The following IL18BP variants were observed in gnomAD, a reference collection of about 807,000 sequenced individuals.
The protein encoded by IL18BP is interleukin-18-binding protein.
A neutral mutation model predicts 19.9 loss-of-function variants in IL18BP; 23 were observed. That is an observed-to-expected ratio of 1.15 (90% CI 0.83 to 1.64). The LOEUF is 1.64. Ranked by LOEUF, IL18BP falls within the 40% of genes most tolerant of loss-of-function variation. The pLI, the probability that IL18BP is intolerant of heterozygous loss-of-function variation, is 0.00. For synonymous variants in IL18BP, 107 were observed against 101.0 expected, an observed-to-expected ratio of 1.06 and a Z score of -0.35; for missense variants, 239 against 240.7, an observed-to-expected ratio of 0.99 and a Z score of 0.05.
chr11:72,003,742 G>A, downstream of IL18BP: 1 of 1,007,654 alleles, frequency 9.9e-7, no homozygotes, highest in South Asian at 1.4e-5. Flanking sequence ...TCCTTGGAGA[G>A]GAGCTACCAG....
chr11:72,007,522 C>A, downstream of IL18BP: 2 of 1,512,372 alleles, frequency 1.3e-6, no homozygotes, highest in Non-Finnish European at 1.8e-6. Context: ...ATTTCCCATC[C>A]TTACTACAAG....
At chr11:72,001,383 C>T (rs1955226547) in intron 4 of IL18BP, 22 bp from the exon 5 acceptor site, 1 of 1,614,184 alleles carries the variant, frequency 6.2e-7, no homozygotes, top group African/African-American at 1.3e-5. Flanking sequence ...TTCTCATGAC[C>T]TTTCCTTCCC....
chr11:72,000,224 G>A, intron 2 of IL18BP, 127 bp from the exon 3 acceptor site: 1 of 943,702 alleles, frequency 1.1e-6, no homozygotes, highest in Non-Finnish European at 1.7e-6. Context: ...GGTGGGTGCT[G>A]AGGGGTCCCT....
intron 3 of IL18BP, 99 bp from the exon 4 acceptor site, chr11:72,001,102 T>G: frequency 6.9e-7 from 1 of 1,453,032 alleles, no homozygotes; most frequent in Non-Finnish European, 9.5e-7. Context: ...AGGTTCCAGA[T>G]GCATGGGGAC....
chr11:71,999,477 G>A (rs2134237792), intron 1 of IL18BP: 1 of 213,496 alleles, frequency 4.7e-6, no homozygotes, highest in East Asian at 1.2e-4. Flanking sequence ...CCCAGGAGCT[G>A]AAGGTTTCTG....
At chr11:71,999,324 G>A in intron 1 of IL18BP, 1 of 369,618 alleles carries the variant, frequency 2.7e-6, no homozygotes, top group Non-Finnish European at 5.4e-6. Context: ...GTGAAGAGGG[G>A]AGGCGGACAC....
chr11:72,006,104 C>T, downstream of IL18BP: 1 of 1,614,138 alleles, frequency 6.2e-7, no homozygotes, highest in Non-Finnish European at 8.5e-7. Flanking sequence ...GGGCGGTAGC[C>T]AGGCAAGCTG....
chr11:71,999,354 C>T (rs934125689), intron 1 of IL18BP: 9 of 331,232 alleles, frequency 2.7e-5, no homozygotes, highest in East Asian at 8.7e-5. Context: ...GACACTTGGG[C>T]GGGACAGAAT....
chr11:72,004,733 C>T, downstream of IL18BP: 7 of 1,613,088 alleles, frequency 4.3e-6, no homozygotes, highest in Non-Finnish European at 5.9e-6. Context: ...TCTGGATTGG[C>T]TGCATGCTGG....
downstream of IL18BP, chr11:72,005,367 T>C (rs1199502815): frequency 5.0e-6 from 8 of 1,604,548 alleles, no homozygotes; most frequent in Non-Finnish European, 6.8e-6. Flanking sequence ...AAGCTGTTCC[T>C]TCCTGTGGAA....
At chr11:72,004,908 A>T, downstream of IL18BP, 1 of 1,263,514 alleles carries the variant, frequency 7.9e-7, no homozygotes, top group Non-Finnish European at 1.1e-6. Context: ...CTCGCCCGAC[A>T]CTTATGGTCG....
chr11:72,000,151 A>G, intron 2 of IL18BP, 139 bp downstream of exon 2: 1 of 964,766 alleles, frequency 1.0e-6, no homozygotes, highest in South Asian at 1.5e-5. Flanking sequence ...GAACCTGGGC[A>G]GATATTGTAG....
downstream of IL18BP, chr11:72,005,945 G>T (rs1955655593): frequency 4.3e-6 from 5 of 1,155,038 alleles, no homozygotes; most frequent in African/African-American, 3.1e-5. Flanking sequence ...GCCAGCCTTG[G>T]ATTTTTAAAA....
At chr11:72,006,392 A>C, downstream of IL18BP, 1 of 725,172 alleles carries the variant, frequency 1.4e-6, no homozygotes. Context: ...AAAGGTCCTT[A>C]AAGTGTGTGT....
At chr11:72,007,463 A>G (rs755521311), downstream of IL18BP, 12 of 1,610,894 alleles carry the variant, frequency 7.4e-6, no homozygotes, top group Non-Finnish European at 9.3e-6. Context: ...GCTGAGGTAC[A>G]GTCCTTCACG....
chr11:72,006,220 T>C (rs1185962937), downstream of IL18BP: 9 of 1,614,016 alleles, frequency 5.6e-6, no homozygotes, highest in South Asian at 1.1e-5. Context: ...CCGCGTGCTG[T>C]AGAACGATGA....
At chr11:72,000,103 A>C in intron 2 of IL18BP, 91 bp downstream of exon 2, 1 of 1,403,366 alleles carries the variant, frequency 7.1e-7, no homozygotes, top group Non-Finnish European at 1.0e-6. Context: ...CTTCACTCCA[A>C]GGCAAACCAC....
At chr11:72,005,875 T>G (rs961536324), downstream of IL18BP, among the ~76,000 whole-genome samples, 1 of 152,052 alleles carries the variant, frequency 6.6e-6, no homozygotes, top group African/African-American at 2.4e-5. Context: ...GATGGGCAGG[T>G]AAGGAAGGCC....
downstream of IL18BP, chr11:72,005,360 C>T: frequency 2.5e-6 from 4 of 1,605,422 alleles, no homozygotes; most frequent in Non-Finnish European, 3.4e-6. Context: ...CATGTAGAAG[C>T]TGTTCCTTCC....
Sources: allele counts gnomAD v4.1 joint callset (sites outside exome capture counted in the v4.1 genomes callset), GRCh38; gene constraint gnomAD v4.1.1; transcripts MANE v1.5; gene names NCBI Gene and HGNC (gene_info 2026-07-23, HGNC 2026-07-21).